Variants in DHRS7B observed in about 807,000 individuals in gnomAD.
DHRS7B encodes the protein dehydrogenase/reductase 7B.
In DHRS7B, 24 loss-of-function variants were observed where a neutral mutation model predicts 26.4. The observed-to-expected ratio is 0.91, with a 90% CI of 0.66 to 1.28. DHRS7B has a LOEUF of 1.28. DHRS7B is among the 50% of genes most tolerant of loss of function. The pLI is 0.00. For missense variants in DHRS7B, 368 were observed against 419.4 expected, an observed-to-expected ratio of 0.88 and a Z score of 1.07; for synonymous variants, 142 against 166.4, an observed-to-expected ratio of 0.85 and a Z score of 1.13.
intron 1 of DHRS7B, chr17:21,166,043 G>A (rs556917899): frequency 4.4e-5 from 22 of 502,682 alleles, no homozygotes; most frequent in South Asian, 1.7e-4. Flanking sequence ...GACTTGGCGC[G>A]GGCTCTGCCT....
intron 6 of DHRS7B, among the ~76,000 whole-genome samples, chr17:21,190,449 A>G (rs540365445): frequency 1.3e-5 from 2 of 152,302 alleles, no homozygotes; most frequent in African/African-American, 4.8e-5. Context: ...ATGGGGGTCA[A>G]TAGTCCCCAC....
At chr17:21,151,997 TC>T (rs1337035732) in intron 1 of DHRS7B, among the ~76,000 whole-genome samples, 2 of 152,312 alleles carry the variant, frequency 1.3e-5, no homozygotes, top group East Asian at 3.9e-4. Flanking sequence ...GCTCCCACTC[TC>T]AACTACTCCC....
At chr17:21,153,836 G>T (rs1243580903) in intron 1 of DHRS7B, among the ~76,000 whole-genome samples, 1 of 152,092 alleles carries the variant, frequency 6.6e-6, no homozygotes, top group African/African-American at 2.4e-5. Flanking sequence ...TTGGATTGGG[G>T]ATACAGTTTC....
chr17:21,161,909 G>C (rs1421753526), intron 1 of DHRS7B, among the ~76,000 whole-genome samples: 1 of 152,026 alleles, frequency 6.6e-6, no homozygotes, highest in African/African-American at 2.4e-5. Context: ...GGCATTAAAA[G>C]TCAGTGTACT....
At chr17:21,147,354 G>A (rs1265384785) in intron 1 of DHRS7B, among the ~76,000 whole-genome samples, 1 of 152,096 alleles carries the variant, frequency 6.6e-6, no homozygotes, top group Non-Finnish European at 1.5e-5. Context: ...CAAAAAGAGT[G>A]GAGAAATAAG....
intron 1 of DHRS7B, among the ~76,000 whole-genome samples, chr17:21,146,603 T>C (rs1284576162): frequency 2.0e-5 from 3 of 152,224 alleles, no homozygotes; most frequent in African/African-American, 7.2e-5. Context: ...GTTTGCTATA[T>C]CAAGCATTTG....
intron 1 of DHRS7B, among the ~76,000 whole-genome samples, chr17:21,170,443 C>A (rs1397712661): frequency 6.6e-6 from 1 of 152,182 alleles, no homozygotes; most frequent in Non-Finnish European, 1.5e-5. Flanking sequence ...GCTTTAGATA[C>A]CACCTTAATC....
chr17:21,160,151 C>T (rs1274161367), intron 1 of DHRS7B, among the ~76,000 whole-genome samples: 2 of 151,872 alleles, frequency 1.3e-5, no homozygotes, highest in Non-Finnish European at 2.9e-5. Context: ...GTCATGAGTT[C>T]GAGACCAGCT....
chr17:21,189,949 C>T (rs1312873109), intron 6 of DHRS7B, among the ~76,000 whole-genome samples: 1 of 152,178 alleles, frequency 6.6e-6, no homozygotes, highest in African/African-American at 2.4e-5. Flanking sequence ...AGGAGGATCA[C>T]TTCAGCCTAG....
At chr17:21,160,590 T>TGGAGC (rs1248048080) in intron 1 of DHRS7B, among the ~76,000 whole-genome samples, 1 of 152,056 alleles carries the variant, frequency 6.6e-6, no homozygotes, top group African/African-American at 2.4e-5. Flanking sequence ...AGCAAGGAAG[T>TGGAGC]GGAGCAATAG....
intron 2 of DHRS7B, among the ~76,000 whole-genome samples, chr17:21,175,056 T>A (rs1458966393): frequency 6.6e-6 from 1 of 152,164 alleles, no homozygotes. Flanking sequence ...AAGAAGATAG[T>A]GTGTCTAGAT....
intron 1 of DHRS7B, among the ~76,000 whole-genome samples, chr17:21,146,266 T>G (rs1973641434): frequency 6.6e-6 from 1 of 152,130 alleles, no homozygotes; most frequent in Non-Finnish European, 1.5e-5. Flanking sequence ...CTGGGCACAC[T>G]GGTGTGCACC....
intron 1 of DHRS7B, among the ~76,000 whole-genome samples, chr17:21,139,544 C>T (rs991399619): frequency 2.0e-5 from 3 of 152,046 alleles, no homozygotes; most frequent in African/African-American, 2.4e-5. Flanking sequence ...CGTGGTGGCA[C>T]GTGCCTGTAA....
At chr17:21,159,831 C>G (rs921210158) in intron 1 of DHRS7B, among the ~76,000 whole-genome samples, 8 of 142,832 alleles carry the variant, frequency 5.6e-5, no homozygotes, top group Non-Finnish European at 1.1e-4. Flanking sequence ...CCACTGCATT[C>G]CAGCCTGGGT....
intron 1 of DHRS7B, chr17:21,127,273 G>T: frequency 2.2e-6 from 1 of 444,908 alleles, no homozygotes; most frequent in Non-Finnish European, 4.0e-6. Context: ...GTGTCGCGCC[G>T]GGCGCTGTGT....
intron 5 of DHRS7B, among the ~76,000 whole-genome samples, chr17:21,187,094 G>GATATAT (rs147554727): frequency 0.017 from 2,503 of 143,078 alleles, 84 homozygotes; most frequent in African/African-American, 0.057. Context: ...TGTATTAAAA[G>GATATAT]ATATATATAT....
At chr17:21,178,382 G>C (rs371131037) in intron 3 of DHRS7B, 40 bp downstream of exon 3, 1 of 1,553,898 alleles carries the variant, frequency 6.4e-7, no homozygotes. Flanking sequence ...AGGAGTGCAG[G>C]CCGTCTTCTG....
At chr17:21,179,375 T>C (rs2144180360) in intron 3 of DHRS7B, among the ~76,000 whole-genome samples, 1 of 152,288 alleles carries the variant, frequency 6.6e-6, no homozygotes, top group East Asian at 1.9e-4. Context: ...GGTGAGTGGA[T>C]GATCACTTGA....
intron 1 of DHRS7B, among the ~76,000 whole-genome samples, chr17:21,139,133 A>T (rs1002098769): frequency 6.6e-6 from 1 of 152,244 alleles, no homozygotes; most frequent in Non-Finnish European, 1.5e-5. Flanking sequence ...TGAAACAAAG[A>T]TGATAACAGT....
Sources: gnomAD v4.1 joint callset for allele counts (sites outside exome capture counted in the v4.1 genomes callset) on GRCh38, gnomAD v4.1.1 for gene constraint, MANE v1.5 for transcripts, NCBI Gene and HGNC (gene_info 2026-07-23, HGNC 2026-07-21) for gene names.